The following PRKAR2B variants were observed in gnomAD, a reference collection of about 807,000 sequenced individuals.
PRKAR2B encodes the protein cAMP-dependent protein kinase type II-beta regulatory subunit.
Under a neutral mutation model 49.9 loss-of-function variants are expected in PRKAR2B, and 14 were observed. The ratio of observed to expected loss-of-function variants is 0.28; its 90% CI spans 0.19 to 0.44. The LOEUF (loss-of-function observed/expected upper bound fraction) is 0.44. PRKAR2B is among the 20% of genes least tolerant of loss of function. The pLI is 1.00. For missense variants in PRKAR2B, 393 were observed against 537.9 expected, an observed-to-expected ratio of 0.73 and a Z score of 2.67; for synonymous variants, 196 against 197.7, an observed-to-expected ratio of 0.99 and a Z score of 0.07.
At chr7:107,095,084 A>T (rs956752873) in intron 2 of PRKAR2B, among the ~76,000 whole-genome samples, 3 of 152,166 alleles carry the variant, frequency 2.0e-5, no homozygotes, top group African/African-American at 7.2e-5. Flanking sequence ...TGAGTCTGTG[A>T]ATTACCTTGG....
At chr7:107,049,849 G>A (rs1430625972) in intron 1 of PRKAR2B, among the ~76,000 whole-genome samples, 2 of 151,964 alleles carry the variant, frequency 1.3e-5, no homozygotes, top group African/African-American at 4.8e-5. Flanking sequence ...TTTACATGGT[G>A]GTTTTAAATC....
At chr7:107,052,364 G>T (rs1217394142) in intron 1 of PRKAR2B, among the ~76,000 whole-genome samples, 2 of 152,166 alleles carry the variant, frequency 1.3e-5, no homozygotes, top group African/African-American at 4.8e-5. Flanking sequence ...GTTGCAGTGA[G>T]CCGAGATTGC....
rs189506307 is a variant in PRKAR2B, at chr7:107,096,143, T to C, written c.344-25809T>C. Among the ~76,000 whole-genome samples the C allele has an allele frequency of 9.1e-3, 1,379 of 152,288 alleles. 23 individuals carry two copies. The highest frequency in any genetic ancestry group is 0.032 in the African/African-American group (1,320 of 41,546). On this transcript the variant is annotated intron_variant, in intron 2 of 10. Transcript: ENST00000265717. Reference sequence around the variant, plus strand: ...GAATCCGTCTGGTCCTGGACTCTTTTTGGTTAGTAGGCTATTAATTGTTGC... The same window carrying C: ...GAATCCGTCTGGTCCTGGACTCTTTCTGGTTAGTAGGCTATTAATTGTTGC...
intron 2 of PRKAR2B, among the ~76,000 whole-genome samples, chr7:107,086,128 C>G (rs1794614753): frequency 6.6e-6 from 1 of 152,128 alleles, no homozygotes; most frequent in African/African-American, 2.4e-5. Flanking sequence ...AAGCATAGCT[C>G]CTTTTAATTA....
chr7:107,058,993 T>C (rs1165539110), intron 1 of PRKAR2B, among the ~76,000 whole-genome samples: 1 of 152,042 alleles, frequency 6.6e-6, no homozygotes, highest in African/African-American at 2.4e-5. Context: ...AGGTTTTTTA[T>C]TTTTTTTCCT....
intron 2 of PRKAR2B, among the ~76,000 whole-genome samples, chr7:107,103,387 G>T (rs1247873187): frequency 4.6e-5 from 7 of 152,114 alleles, no homozygotes; most frequent in Non-Finnish European, 1.5e-5. Context: ...AAACCCCAGG[G>T]TTCTACCAGT....
At chr7:107,142,825 C>T (rs1215508141) in intron 5 of PRKAR2B, among the ~76,000 whole-genome samples, 2 of 151,904 alleles carry the variant, frequency 1.3e-5, no homozygotes, top group Non-Finnish European at 2.9e-5. Flanking sequence ...TGCAGTGGTG[C>T]GATCTCGACC....
At chr7:107,066,692 C>G (rs953747242) in intron 1 of PRKAR2B, 1 of 152,060 alleles carries the variant, frequency 6.6e-6, no homozygotes, top group Non-Finnish European at 1.5e-5. Flanking sequence ...CCTCAGCCTT[C>G]CGAGTAGCTG....
intron 2 of PRKAR2B, among the ~76,000 whole-genome samples, chr7:107,105,793 G>A (rs1000366249): frequency 6.6e-6 from 1 of 152,150 alleles, no homozygotes; most frequent in East Asian, 1.9e-4. Flanking sequence ...AGGGGCTCTT[G>A]TCTGGGCATT....
intron 2 of PRKAR2B, among the ~76,000 whole-genome samples, chr7:107,097,173 G>C (rs958726637): frequency 1.3e-5 from 2 of 152,194 alleles, no homozygotes; most frequent in African/African-American, 2.4e-5. Flanking sequence ...CTAAGGACTT[G>C]CTTTATGAAT....
At chr7:107,113,156 C>T (rs1199751736) in intron 2 of PRKAR2B, among the ~76,000 whole-genome samples, 2 of 152,144 alleles carry the variant, frequency 1.3e-5, no homozygotes, top group Non-Finnish European at 2.9e-5. Flanking sequence ...AATAAAACTA[C>T]TCAGAAGCTT....
chr7:107,142,203 C>T (rs1032824049), intron 5 of PRKAR2B, among the ~76,000 whole-genome samples: 4 of 152,076 alleles, frequency 2.6e-5, no homozygotes, highest in Non-Finnish European at 4.4e-5. Flanking sequence ...AGCCTCATTT[C>T]GTTATTTTGG....
chr7:107,116,073 G>A (rs940101913), intron 2 of PRKAR2B, among the ~76,000 whole-genome samples: 6 of 152,212 alleles, frequency 3.9e-5, no homozygotes, highest in African/African-American at 1.4e-4. Context: ...TGTTGTGTAA[G>A]CCAGTCTAAT....
chr7:107,145,404 A>T (rs1475179738), intron 5 of PRKAR2B, among the ~76,000 whole-genome samples: 1 of 152,220 alleles, frequency 6.6e-6, no homozygotes, highest in African/African-American at 2.4e-5. Context: ...TGCTATAGCT[A>T]GATTCTTTTT....
chr7:107,155,290 C>T (rs138111851), intron 8 of PRKAR2B, among the ~76,000 whole-genome samples: 88 of 152,250 alleles, frequency 5.8e-4, no homozygotes, highest in African/African-American at 1.7e-3. Flanking sequence ...CAGTGGCTCA[C>T]GCCTGTAATC....
At chr7:107,099,351 C>T (rs1314022165) in intron 2 of PRKAR2B, among the ~76,000 whole-genome samples, 10 of 152,278 alleles carry the variant, frequency 6.6e-5, no homozygotes, top group African/African-American at 2.4e-4. Context: ...GTGCCGTTTG[C>T]TAAGACTGTT....
chr7:107,070,296 G>A lies in PRKAR2B; in HGVS notation c.323G>A (p.Arg108Gln), dbSNP rs775824400. The A allele has an allele frequency of 2.5e-6, 4 of 1,606,658 alleles. No individual in the cohort carries two copies. The highest frequency in any genetic ancestry group is 1.7e-5 in the Admixed American group (1 of 59,634). ...AGAFNAPVINRFTRRASVCAE... is the reference protein window; with the variant it reads ...AGAFNAPVINQFTRRASVCAE... ...TTTCTTTTAGCTCCAGTAATAAACC[G>A]ATTCACAAGGCGTGCCTCAGGTAAG... The change falls in exon 2 of 11, where the codon CGA (arginine) becomes CAA (glutamine). Residue 108 changes from arginine to glutamine, a missense_variant. Arg to Gln is a conservative substitution (Grantham distance 43). Around this residue, in one of 2 missense-constraint regions of PRKAR2B, gnomAD observed 233 missense variants for 390.4 expected, o/e 0.60. Coordinates refer to ENST00000265717, the MANE Select transcript of PRKAR2B (RefSeq NM_002736.3).
chr7:107,124,804 GGCA>G (rs1288573016), intron 3 of PRKAR2B, among the ~76,000 whole-genome samples: 1 of 151,908 alleles, frequency 6.6e-6, no homozygotes, highest in Non-Finnish European at 1.5e-5. Context: ...TTAATGGAAA[GGCA>G]GCAGAAATTT....
At chr7:107,111,837 A>G (rs530672619) in intron 2 of PRKAR2B, among the ~76,000 whole-genome samples, 2 of 151,718 alleles carry the variant, frequency 1.3e-5, no homozygotes, top group African/African-American at 2.4e-5. Flanking sequence ...CCCAATTTAG[A>G]ATTTCACCAG....
Sources: allele counts gnomAD v4.1 joint callset (sites outside exome capture counted in the v4.1 genomes callset), GRCh38; gene constraint gnomAD v4.1.1; regional missense constraint gnomAD v4.1.1; transcripts MANE v1.5; gene names NCBI Gene and HGNC (gene_info 2026-07-23, HGNC 2026-07-21).